The following SLC12A1 variants were observed in gnomAD, a reference collection of about 807,000 sequenced individuals.
The protein encoded by SLC12A1 is solute carrier family 12 member 1.
Under a neutral mutation model 130.4 loss-of-function variants are expected in SLC12A1, and 89 were observed. The observed-to-expected ratio is 0.68, with a 90% CI of 0.58 to 0.81. The LOEUF (loss-of-function observed/expected upper bound fraction) is 0.81, where lower values mean the gene tolerates loss of function less well. Among genes scored for constraint, SLC12A1 ranks in the 40% least tolerant of loss-of-function variants. SLC12A1 has a pLI of 0.00. For missense variants in SLC12A1, 1,310 were observed against 1,336.4 expected, an observed-to-expected ratio of 0.98 and a Z score of 0.31; for synonymous variants, 499 against 460.0, an observed-to-expected ratio of 1.08 and a Z score of -1.09.
intron 13 of SLC12A1, 27 bp downstream of exon 13, chr15:48,247,487 G>T: frequency 6.5e-7 from 1 of 1,528,276 alleles, no homozygotes; most frequent in South Asian, 1.2e-5. Context: ...TGTTTTTATT[G>T]AAAACCAAAG....
chr15:48,229,472 G>T (rs2041342060), intron 6 of SLC12A1, 144 bp downstream of exon 6: 1 of 807,050 alleles, frequency 1.2e-6, no homozygotes, highest in Non-Finnish European at 1.9e-6. Context: ...GGCATCAGAA[G>T]ATCTGGCTTT....
At chr15:48,267,088 A>G (rs1188587046) in intron 17 of SLC12A1, among the ~76,000 whole-genome samples, 1 of 152,222 alleles carries the variant, frequency 6.6e-6, no homozygotes, top group Non-Finnish European at 1.5e-5. Flanking sequence ...AATAGAATTG[A>G]CAAGATGTGC....
rs185334174 is a variant in SLC12A1, at chr15:48,292,920, G to C, written c.2960+1056G>C. Among the ~76,000 whole-genome samples, 13 of 151,978 alleles carry C rather than the reference G, an allele frequency of 8.6e-5. No homozygotes were observed. The East Asian group carries it at 2.5e-3, about 29-fold the overall frequency. On this transcript the variant is annotated intron_variant, in intron 24 of 26. Coordinates refer to ENST00000380993, the MANE Select transcript of SLC12A1 (RefSeq NM_000338.3). The stretch of plus-strand genomic sequence containing the variant: ...TAACAATGATATTTTTGGGGGTTTT[G>C]TGGGGTTTTTTTTGAGACAGGGTCT...
chr15:48,289,725 G>C (rs1213173735), intron 23 of SLC12A1, among the ~76,000 whole-genome samples: 1 of 152,130 alleles, frequency 6.6e-6, no homozygotes, highest in African/African-American at 2.4e-5. Flanking sequence ...AAATGGTACA[G>C]TAAAAATACA....
chr15:48,220,083 T>G (rs2041182345), intron 2 of SLC12A1, among the ~76,000 whole-genome samples: 1 of 130,424 alleles, frequency 7.7e-6, no homozygotes, highest in Non-Finnish European at 1.5e-5. Context: ...CACTCCAGCC[T>G]GAGTGACACA....
chr15:48,221,104 T>C, intron 4 of SLC12A1, 108 bp downstream of exon 4: 3 of 1,062,486 alleles, frequency 2.8e-6, no homozygotes, highest in Non-Finnish European at 4.3e-6. Context: ...ACAGAAATAA[T>C]TTACAGTTGG....
At chr15:48,249,226 A>C (rs1486266431) in intron 13 of SLC12A1, among the ~76,000 whole-genome samples, 1 of 152,112 alleles carries the variant, frequency 6.6e-6, no homozygotes, top group Non-Finnish European at 1.5e-5. Flanking sequence ...GAGCCTACTT[A>C]TTGCATACAT....
At position 48,220,775 on chromosome 15, in the gene SLC12A1, C is replaced by T. The variant is rs1345635684; in HGVS notation, c.552+10C>T. 2.5e-6 allele frequency: 4 copies of T among 1,613,756 alleles called. No homozygotes were observed. Among genetic ancestry groups the T allele is most frequent in the Non-Finnish European group, 3.4e-6 (4 of 1,179,826 alleles). On this transcript the variant is annotated intron_variant, in intron 3 of 26. Transcript: ENST00000380993. ...GGTGAAAGGTGTGCTGGTGAGAAAG[C>T]TCTTCTGTTTACAAATGAAAACTAT...
At chr15:48,228,021 T>C (rs58711859) in intron 5 of SLC12A1, 7 of 152,186 alleles carry the variant, frequency 4.6e-5, no homozygotes, top group East Asian at 1.9e-4. Flanking sequence ...AGAGTTACTA[T>C]AGTGAAAGAA....
At chr15:48,213,628 T>C (rs1324974870) in intron 2 of SLC12A1, among the ~76,000 whole-genome samples, 3 of 151,534 alleles carry the variant, frequency 2.0e-5, no homozygotes, top group African/African-American at 7.3e-5. Flanking sequence ...CTCAGCCTCC[T>C]GAGTAGCTGG....
At chr15:48,255,218 T>A (rs531574418) in intron 15 of SLC12A1, among the ~76,000 whole-genome samples, 1 of 152,178 alleles carries the variant, frequency 6.6e-6, no homozygotes, top group East Asian at 1.9e-4. Context: ...GATGGGTGGA[T>A]CACAAAGTCA....
intron 1 of SLC12A1, among the ~76,000 whole-genome samples, chr15:48,207,174 G>A (rs1344503332): frequency 6.6e-6 from 1 of 152,112 alleles, no homozygotes; most frequent in African/African-American, 2.4e-5. Flanking sequence ...ATTTAGTACT[G>A]TCAGTGAACT....
At chr15:48,240,050 CATATATAT>C (rs374160430) in intron 9 of SLC12A1, among the ~76,000 whole-genome samples, 4 of 6,410 alleles carry the variant, frequency 6.2e-4, no homozygotes, top group African/African-American at 1.5e-3. Context: ...TATATATATC[CATATATAT>C]ATATATATAT....
At chr15:48,221,048 T>A in intron 4 of SLC12A1, 52 bp downstream of exon 4, 1 of 1,507,132 alleles carries the variant, frequency 6.6e-7, no homozygotes, top group Non-Finnish European at 9.2e-7. Context: ...ATAAATTCAA[T>A]AAGCAATCTT....
In SLC12A1 at chr15:48,235,240, T is replaced by C. The variant is rs576915019; in HGVS notation, c.1215+236T>C. On this transcript the variant is annotated intron_variant, in intron 9 of 26. Transcript: ENST00000380993. ...ATATCAGAAGAACAGGGTAGTGTGA[T>C]AGTGTGTCATATTTCCCCAAAATAA... The C allele has an allele frequency of 4.0e-5, 21 of 525,362 alleles. No homozygotes were observed. The South Asian group carries it at 4.4e-4, about 11-fold the overall frequency. The allele number at this position is 525,362 out of a possible 1,614,324, so 32.5% of individuals were successfully genotyped here.
chr15:48,240,473 G>A (rs1408841725), intron 9 of SLC12A1, among the ~76,000 whole-genome samples: 4 of 152,118 alleles, frequency 2.6e-5, no homozygotes, highest in African/African-American at 9.7e-5. Context: ...TGCCATGTGG[G>A]GCAGGTTTGC....
chr15:48,267,434 G>A lies in SLC12A1; in HGVS notation c.2155-127G>A, dbSNP rs148512488. 1.4e-3 allele frequency: 1,360 copies of A among 965,850 alleles called. 28 individuals carry two copies. In the Admixed American group the frequency reaches 0.031, roughly 22 times the overall value. The allele number at this position is 965,850 out of a possible 1,614,324, so 59.8% of individuals were successfully genotyped here. ...AATCTGTGGAACCCTGTTCAGTGAG[G>A]TGTTTTTCCCTCTTTCCCATTTCTT... On this transcript the variant is annotated intron_variant, in intron 17 of 26. Coordinates refer to ENST00000380993, the MANE Select transcript of SLC12A1 (RefSeq NM_000338.3).
intron 21 of SLC12A1, among the ~76,000 whole-genome samples, chr15:48,287,572 C>G (rs906745843): frequency 6.6e-6 from 1 of 152,150 alleles, no homozygotes; most frequent in African/African-American, 2.4e-5. Flanking sequence ...CTTCATGAAT[C>G]AATTCCCTAA....
chr15:48,256,015 T>A (rs2041703695), intron 16 of SLC12A1, 105 bp downstream of exon 16: 2 of 728,048 alleles, frequency 2.7e-6, no homozygotes, highest in East Asian at 5.4e-5. Flanking sequence ...AGGGGTACAT[T>A]CTAAAAATAA....
Sources: allele counts gnomAD v4.1 joint callset (sites outside exome capture counted in the v4.1 genomes callset), GRCh38; gene constraint gnomAD v4.1.1; transcripts MANE v1.5; gene names NCBI Gene and HGNC (gene_info 2026-07-23, HGNC 2026-07-21).